Variants in FAM53A observed in about 807,000 individuals in gnomAD.
FAM53A encodes the protein family with sequence similarity 53 member A.
In FAM53A, 28 loss-of-function variants were observed where a neutral mutation model predicts 26.6. That is an observed-to-expected ratio of 1.05 (90% confidence interval 0.78 to 1.45). The LOEUF is 1.45. FAM53A is among the 40% of genes most tolerant of loss of function. FAM53A has a pLI of 0.00. For synonymous variants in FAM53A, 290 were observed against 253.1 expected, an observed-to-expected ratio of 1.15 and a Z score of -1.38; for missense variants, 650 against 575.8, an observed-to-expected ratio of 1.13 and a Z score of -1.32.
chr4:1,579,737 G>A, the FAM53A span, among the ~76,000 whole-genome samples: 52 of 152,190 alleles, frequency 3.4e-4, no homozygotes, highest in Non-Finnish European at 6.2e-4. Context: ...GTGTCCCCAG[G>A]GCGCCTCCCG....
rs1375030177 is a variant in FAM53A, at chr4:1,655,067, G to A, written c.793C>T (p.Leu265Phe). Residue 265 changes from leucine (L) to phenylalanine (F), a missense_variant, in exon 4 of 5, where the codon CTC becomes TTC. Transcript: ENST00000308132. ...LLRCRSQPCV[L>F]SGKRSRRKRR... ...TTGCGCCGGCTCCTCTTCCCACTGAGCACGCAAGGCTGTGAGCGGCACCGG... is the reference window on the plus strand; with the variant it reads ...TTGCGCCGGCTCCTCTTCCCACTGAACACGCAAGGCTGTGAGCGGCACCGG... 1.2e-6 allele frequency: 2 copies of A among 1,600,320 alleles called. No homozygotes were observed.
At position 1,684,303 on chromosome 4, in the gene FAM53A, G is replaced by C. The variant is rs540382576; in HGVS notation, c.-235C>G. 6.6e-6 allele frequency: 1 copy of C among 150,696 alleles called. No individual in the cohort carries two copies. Among genetic ancestry groups the C allele is most frequent in the Non-Finnish European group, 1.5e-5 (1 of 67,248 alleles). The allele number at this position is 150,696 out of a possible 1,614,324, so 9.3% of individuals were successfully genotyped here. ...CCAGGCCCCGCTCGCTCAGGGCGAC[G>C]CGCCTCAGCCGCGGCGGAACAAAAC... On this transcript the variant is annotated 5_prime_UTR_variant, in exon 1 of 5. Transcript: ENST00000308132.
the FAM53A span, among the ~76,000 whole-genome samples, chr4:1,604,872 C>T: frequency 1.3e-5 from 2 of 152,280 alleles, no homozygotes; most frequent in East Asian, 1.9e-4. Context: ...GCCCCGCTCC[C>T]GCAGTGCTGT....
At chr4:1,646,350 C>T (rs561797661) in intron 4 of FAM53A, among the ~76,000 whole-genome samples, 1 of 152,186 alleles carries the variant, frequency 6.6e-6, no homozygotes, top group South Asian at 2.1e-4. Context: ...CTGCCCACCT[C>T]GGCCTCCCAA....
the FAM53A span, among the ~76,000 whole-genome samples, chr4:1,608,260 G>A: frequency 2.0e-5 from 3 of 151,984 alleles, no homozygotes; most frequent in Non-Finnish European, 4.4e-5. Flanking sequence ...CACCTGCCGT[G>A]CCTGCACCCT....
chr4:1,668,125 T>G (rs535229381), intron 2 of FAM53A, among the ~76,000 whole-genome samples: 1 of 143,070 alleles, frequency 7.0e-6, no homozygotes, highest in Admixed American at 7.6e-5. Flanking sequence ...AAACTCTATT[T>G]TTTTAAATAG....
the FAM53A span, among the ~76,000 whole-genome samples, chr4:1,610,900 T>C: frequency 6.6e-6 from 1 of 152,176 alleles, no homozygotes. Context: ...GACTCACCCC[T>C]GGACCAGCCC....
chr4:1,662,220 C>A (rs1713886006), intron 2 of FAM53A, among the ~76,000 whole-genome samples: 1 of 151,656 alleles, frequency 6.6e-6, no homozygotes, highest in Non-Finnish European at 1.5e-5. Context: ...GTGGCTGTAA[C>A]CTGTAATCCC....
intron 1 of FAM53A, among the ~76,000 whole-genome samples, chr4:1,627,022 T>C (rs1022245001): frequency 2.9e-4 from 44 of 152,246 alleles, no homozygotes; most frequent in Middle Eastern, 3.4e-3. Flanking sequence ...GTGGCAACCA[T>C]GGGCCCAGTG....
chr4:1,659,532 C>T lies in FAM53A; in HGVS notation c.76-2064G>A, dbSNP rs1374830390. 6.6e-6 allele frequency among the ~76,000 whole-genome samples: 1 copy of T among 152,214 alleles called. No homozygotes were observed. Among genetic ancestry groups the T allele is most frequent in the East Asian group, 1.9e-4 (1 of 5,200 alleles). ...CAGGCCCGCACGGTCCCAAATGTGACCACCTCTATGCAAAGACACGCCGGG... is the reference window on the plus strand; with the variant it reads ...CAGGCCCGCACGGTCCCAAATGTGATCACCTCTATGCAAAGACACGCCGGG... On this transcript the variant is annotated intron_variant, in intron 2 of 4. Transcript: ENST00000308132. This position sits in a 1 kb window ranked among gnomAD's most constrained non-coding sequence, Gnocchi z 5.2.
At chr4:1,663,907 A>T (rs1714037076) in intron 2 of FAM53A, among the ~76,000 whole-genome samples, 1 of 152,154 alleles carries the variant, frequency 6.6e-6, no homozygotes, top group Non-Finnish European at 1.5e-5. Flanking sequence ...AACTAGAGGA[A>T]ACCATAAGGG....
intron 2 of FAM53A, among the ~76,000 whole-genome samples, chr4:1,664,411 C>T (rs76204410): frequency 0.01 from 1,593 of 152,324 alleles, 7 homozygotes; most frequent in Non-Finnish European, 0.018. Flanking sequence ...CACACAGAAC[C>T]TCATACATGA....
At chr4:1,677,412 C>T (rs553273383) in intron 1 of FAM53A, among the ~76,000 whole-genome samples, 13 of 152,312 alleles carry the variant, frequency 8.5e-5, no homozygotes, top group South Asian at 8.3e-4. Flanking sequence ...CTTCCAATGA[C>T]GTGTGTATGC....
At chr4:1,592,322 C>T in the FAM53A span, among the ~76,000 whole-genome samples, 11 of 152,222 alleles carry the variant, frequency 7.2e-5, no homozygotes, top group African/African-American at 2.7e-4. Context: ...CATCAGTCTC[C>T]GTGGGCGGAG....
At chr4:1,623,368 G>A (rs933112217) in intron 1 of FAM53A, among the ~76,000 whole-genome samples, 22 of 150,700 alleles carry the variant, frequency 1.5e-4, no homozygotes, top group African/African-American at 5.2e-4. Context: ...AGAGGAGGCT[G>A]TGGCAGCCTC....
chr4:1,654,942 C>A (rs372825725), intron 4 of FAM53A, 36 bp downstream of exon 4: 11 of 1,495,094 alleles, frequency 7.4e-6, no homozygotes, highest in African/African-American at 1.4e-5. Flanking sequence ...TCCAGATCTA[C>A]GCCCCTCTGA....
intron 2 of FAM53A, among the ~76,000 whole-genome samples, chr4:1,666,894 C>T (rs1714275176): frequency 6.6e-6 from 1 of 152,182 alleles, no homozygotes; most frequent in Non-Finnish European, 1.5e-5. Flanking sequence ...CTTTGGGAGG[C>T]CGAGGCAGGC....
the FAM53A span, among the ~76,000 whole-genome samples, chr4:1,599,721 C>T: frequency 6.6e-6 from 1 of 152,078 alleles, no homozygotes; most frequent in Non-Finnish European, 1.5e-5. The surrounding 1 kb of genome is among the most constrained non-coding windows in gnomAD (Gnocchi z 6.1). Flanking sequence ...CATACCCACA[C>T]TAGTCAAACA....
At chr4:1,613,415 C>T (rs1714698882), downstream of FAM53A, among the ~76,000 whole-genome samples, 1 of 152,238 alleles carries the variant, frequency 6.6e-6, no homozygotes, top group Admixed American at 6.5e-5. Context: ...GAGGGCAGAG[C>T]CCCTGAAACC....
Sources: allele counts gnomAD v4.1 joint callset (sites outside exome capture counted in the v4.1 genomes callset), GRCh38; gene constraint gnomAD v4.1.1; non-coding constraint Gnocchi (gnomAD v3.1); transcripts MANE v1.5; gene names NCBI Gene and HGNC (gene_info 2026-07-23, HGNC 2026-07-21).